The following ZC2HC1A variants were observed in gnomAD, a reference collection of about 807,000 sequenced individuals.
ZC2HC1A encodes the protein zinc finger C2HC domain-containing protein 1A.
In ZC2HC1A, 28 loss-of-function variants were observed where a neutral mutation model predicts 40.7. The observed-to-expected ratio is 0.69, with a 90% confidence interval of 0.51 to 0.94. ZC2HC1A has a LOEUF of 0.94. Ranked by LOEUF, ZC2HC1A falls within the 40% of genes least tolerant of loss-of-function variation. The pLI is 0.00. For synonymous variants in ZC2HC1A, 129 were observed against 129.2 expected (o/e 1.00, Z 0.01); for missense variants, 389 against 386.3 (o/e 1.01, Z -0.06).
chr8:78,698,614 A>G, intron 7 of ZC2HC1A, 101 bp downstream of exon 7: 3 of 889,998 alleles, frequency 3.4e-6, no homozygotes, highest in South Asian at 5.1e-5. Context: ...TTCATTTCCT[A>G]AGTTCATTTG....
At chr8:78,697,023 G>A (rs547179536) in intron 5 of ZC2HC1A, among the ~76,000 whole-genome samples, 3 of 152,132 alleles carry the variant, frequency 2.0e-5, no homozygotes, top group African/African-American at 7.2e-5. Flanking sequence ...TAGCAGTGGA[G>A]CATCTGAGAG....
Position 78,678,612 on chromosome 8 carries a change from CTT to C in ZC2HC1A, c.146_147del (p.Phe49Ter). 1 of 1,612,486 alleles carries C rather than the reference CTT, an allele frequency of 6.2e-7. No individual in the cohort carries two copies. Among genetic ancestry groups the C allele is most frequent in the Non-Finnish European group, 8.5e-7 (1 of 1,179,312 alleles). ...AAGACTGCAACTAAAAAACGGAAGACTTTTGATTCAAGCAGACAGAGAGCTGA... is the reference window on the plus strand; with the variant it reads ...AAGACTGCAACTAAAAAACGGAAGACTTGATTCAAGCAGACAGAGAGCTGA... On this transcript the variant is annotated frameshift_variant, in exon 3 of 9. Coordinates refer to ENST00000263849, the MANE Select transcript of ZC2HC1A (RefSeq NM_016010.3). LOFTEE classifies it high-confidence loss of function.
At chr8:78,693,757 T>C (rs1338316275) in intron 5 of ZC2HC1A, among the ~76,000 whole-genome samples, 2 of 152,252 alleles carry the variant, frequency 1.3e-5, no homozygotes, top group African/African-American at 4.8e-5. Context: ...TTTGTCAATT[T>C]TGGCTTTTGT....
At position 78,689,333 on chromosome 8, in the gene ZC2HC1A, C is replaced by T; in HGVS notation, c.464C>T (p.Ser155Phe). 6.2e-7 allele frequency: 1 copy of T among 1,601,774 alleles called. No homozygotes were observed. Among genetic ancestry groups the T allele is most frequent in the Non-Finnish European group, 8.5e-7 (1 of 1,174,304 alleles). ...CGTATTAGTAATAAAGGGAAATTTT[C>T]TACAGATACCAAAGGAAAACCAACT... ...AARISNKGKFSTDTKGKPTSR... is the reference protein window; with the variant it reads ...AARISNKGKFFTDTKGKPTSR... Residue 155 changes from serine (S) to phenylalanine (F), a missense_variant, in exon 5 of 9, where the codon TCT (serine) becomes TTT (phenylalanine). Coordinates refer to ENST00000263849, the MANE Select transcript of ZC2HC1A (RefSeq NM_016010.3).
intron 1 of ZC2HC1A, among the ~76,000 whole-genome samples, chr8:78,669,971 CTTT>C (rs566684768): frequency 7.9e-6 from 1 of 126,284 alleles, no homozygotes; most frequent in African/African-American, 3.2e-5. Flanking sequence ...TTCTTTCTTT[CTTT>C]TTTTTTTTTT....
chr8:78,687,508 A>G (rs1382589039), intron 4 of ZC2HC1A, among the ~76,000 whole-genome samples: 1 of 142,370 alleles, frequency 7.0e-6, no homozygotes, highest in Non-Finnish European at 1.5e-5. Context: ...ATAATAAATT[A>G]TATATATTTA....
intron 3 of ZC2HC1A, among the ~76,000 whole-genome samples, chr8:78,679,933 C>T (rs995643684): frequency 2.0e-5 from 3 of 152,004 alleles, no homozygotes; most frequent in Non-Finnish European, 4.4e-5. Flanking sequence ...TAATTTGCTT[C>T]GGTAGATAAA....
At chr8:78,678,483 G>A (rs1809656921) in intron 2 of ZC2HC1A, 80 bp from the exon 3 acceptor site, 1 of 1,013,878 alleles carries the variant, frequency 9.9e-7, no homozygotes, top group Admixed American at 2.5e-5. Context: ...TTTTTAAACT[G>A]GTCTCAATGT....
chr8:78,683,732 GGA>G (rs1809864756), intron 3 of ZC2HC1A, among the ~76,000 whole-genome samples: 1 of 152,060 alleles, frequency 6.6e-6, no homozygotes, highest in African/African-American at 2.4e-5. Flanking sequence ...TTTCTCCCCA[GGA>G]AATGGATTTT....
chr8:78,666,283 CCG>C, intron 1 of ZC2HC1A, 119 bp downstream of exon 1: 1 of 1,484,392 alleles, frequency 6.7e-7, no homozygotes, highest in Non-Finnish European at 9.1e-7. Context: ...TCGCCGCGTC[CCG>C]CCGCGCCTCC....
chr8:78,687,363 G>A (rs1810019190), intron 4 of ZC2HC1A, among the ~76,000 whole-genome samples: 2 of 150,714 alleles, frequency 1.3e-5, no homozygotes, highest in African/African-American at 4.9e-5. Flanking sequence ...TATTGTAGAG[G>A]AGAGATATAG....
chr8:78,688,150 A>C (rs1361775277), intron 4 of ZC2HC1A, among the ~76,000 whole-genome samples: 1 of 151,696 alleles, frequency 6.6e-6, no homozygotes, highest in African/African-American at 2.4e-5. Flanking sequence ...GGTATGCTTT[A>C]ACTGATCCTG....
At chr8:78,680,458 A>C (rs1041235494) in intron 3 of ZC2HC1A, among the ~76,000 whole-genome samples, 2 of 152,178 alleles carry the variant, frequency 1.3e-5, no homozygotes, top group African/African-American at 4.8e-5. Context: ...ATACTGAATT[A>C]GAATTATTTT....
intron 7 of ZC2HC1A, among the ~76,000 whole-genome samples, chr8:78,714,670 T>A (rs1303239536): frequency 2.0e-5 from 3 of 152,186 alleles, no homozygotes; most frequent in Non-Finnish European, 4.4e-5. Context: ...GAAGTCCCTC[T>A]GATTTCGGAT....
In ZC2HC1A at chr8:78,670,421, TG is replaced by T. The variant is rs1486466178; in HGVS notation, c.16+4260del. Among the ~76,000 whole-genome samples the T allele has an allele frequency of 5.9e-5, 9 of 152,294 alleles. No individual in the cohort carries two copies. The East Asian group carries it at 1.7e-3, about 29-fold the overall frequency. On this transcript the variant is annotated intron_variant, in intron 1 of 8. Coordinates refer to ENST00000263849, the MANE Select transcript of ZC2HC1A (RefSeq NM_016010.3). ...GGACATTGGTGGAGAACATTGGTTT[TG>T]GGAGTACAAAGGATTTCTGATAAAA...
At chr8:78,687,400 T>C (rs1184213287) in intron 4 of ZC2HC1A, among the ~76,000 whole-genome samples, 1 of 149,568 alleles carries the variant, frequency 6.7e-6, no homozygotes, top group Non-Finnish European at 1.5e-5. Context: ...GTAAATATCT[T>C]AGATTTTATA....
chr8:78,689,522 C>A, intron 5 of ZC2HC1A, 149 bp downstream of exon 5: 2 of 664,724 alleles, frequency 3.0e-6, no homozygotes, highest in Non-Finnish European at 2.2e-6. Flanking sequence ...AAGTTGTATG[C>A]TTTTAGCTCT....
chr8:78,694,786 A>G (rs1200812041), intron 5 of ZC2HC1A, among the ~76,000 whole-genome samples: 1 of 152,208 alleles, frequency 6.6e-6, no homozygotes, highest in Non-Finnish European at 1.5e-5. Flanking sequence ...GAAATGTATG[A>G]GATTTGTGAG....
At chr8:78,700,622 G>A (rs1478780432) in intron 7 of ZC2HC1A, among the ~76,000 whole-genome samples, 1 of 151,876 alleles carries the variant, frequency 6.6e-6, no homozygotes, top group African/African-American at 2.4e-5. Flanking sequence ...TGTCTTCCAG[G>A]GTTTTTATAG....
Sources: gnomAD v4.1 joint callset for allele counts (sites outside exome capture counted in the v4.1 genomes callset) on GRCh38, gnomAD v4.1.1 for gene constraint, MANE v1.5 for transcripts, NCBI Gene and HGNC (gene_info 2026-07-23, HGNC 2026-07-21) for gene names.